The following CLHC1 variants were observed in gnomAD, a reference collection of about 807,000 sequenced individuals.
CLHC1 encodes clathrin heavy chain linker domain containing 1, also known as clathrin heavy chain linker domain-containing protein 1.
In CLHC1, 72 loss-of-function variants were observed where a neutral mutation model predicts 69.5. The ratio of observed to expected loss-of-function variants is 1.04; its 90% CI spans 0.86 to 1.26. CLHC1 has a LOEUF of 1.26. Among genes scored for constraint, CLHC1 ranks in the 50% most tolerant of loss-of-function variants. CLHC1 has a pLI of 0.00. For synonymous variants in CLHC1, 223 were observed against 224.3 expected, an observed-to-expected ratio of 0.99 and a Z score of 0.05; for missense variants, 790 against 679.3, an observed-to-expected ratio of 1.16 and a Z score of -1.81.
chr2:55,210,944 T>G (rs1201429715), intron 5 of CLHC1, among the ~76,000 whole-genome samples: 2 of 152,106 alleles, frequency 1.3e-5, no homozygotes. Flanking sequence ...TCCTCTCACT[T>G]CAGCATTCCA....
At chr2:55,226,638 T>G (rs1311121257) in intron 2 of CLHC1, among the ~76,000 whole-genome samples, 1 of 152,218 alleles carries the variant, frequency 6.6e-6, no homozygotes, top group Non-Finnish European at 1.5e-5. Flanking sequence ...TTTTCACTAT[T>G]TTTGTTTTGT....
At chr2:55,191,148 T>C (rs1450036551) in intron 9 of CLHC1, among the ~76,000 whole-genome samples, 1 of 152,164 alleles carries the variant, frequency 6.6e-6, no homozygotes, top group Non-Finnish European at 1.5e-5. Context: ...AGGTAAAATG[T>C]AGAATTTAAA....
chr2:55,231,767 C>T (rs1463431914), intron 1 of CLHC1: 2 of 152,202 alleles, frequency 1.3e-5, no homozygotes, highest in African/African-American at 4.8e-5. Context: ...CCAAGACTCC[C>T]AATGCCCAAA....
intron 9 of CLHC1, among the ~76,000 whole-genome samples, chr2:55,199,697 T>C (rs1558477685): frequency 6.6e-6 from 1 of 152,150 alleles, no homozygotes; most frequent in Non-Finnish European, 1.5e-5. Flanking sequence ...TAAGATATTA[T>C]TTGCAAGTCT....
At chr2:55,191,321 C>T (rs1348145981) in intron 9 of CLHC1, among the ~76,000 whole-genome samples, 1 of 152,138 alleles carries the variant, frequency 6.6e-6, no homozygotes, top group Non-Finnish European at 1.5e-5. Flanking sequence ...ACTGCACCTC[C>T]ACCTCCTGGA....
intron 9 of CLHC1, among the ~76,000 whole-genome samples, chr2:55,204,161 G>T (rs1046364580): frequency 7.9e-5 from 12 of 152,136 alleles, no homozygotes; most frequent in South Asian, 2.1e-4. Context: ...GTGCATGCTT[G>T]TAATCCCAGC....
chr2:55,175,828 C>T lies in CLHC1; in HGVS notation c.1723G>A (p.Asp575Asn). The change falls in exon 13 of 13, where the codon GAT becomes AAT. Residue 575 changes from aspartate to asparagine, a missense_variant. Coordinates refer to ENST00000401408, the MANE Select transcript of CLHC1 (RefSeq NM_152385.4). ...QAAVTEISEE[D>N]DAVNLMEHVF... ...TGTTCCATTAGGTTGACTGCGTCAT[C>T]CTCTTCAGAAATTTCTGTAACTGCA... 6.2e-7 allele frequency: 1 copy of T among 1,614,020 alleles called. No individual in the cohort carries two copies.
intron 9 of CLHC1, among the ~76,000 whole-genome samples, chr2:55,196,226 T>C (rs888518649): frequency 1.3e-5 from 2 of 152,200 alleles, no homozygotes; most frequent in Non-Finnish European, 2.9e-5. Context: ...TCAAGTGCTT[T>C]GGGGTCCTAA....
rs1393603230 is a variant in CLHC1 at position 55,172,849 on chromosome 2, T to C, written c.*2941A>G. The stretch of plus-strand genomic sequence containing the variant: ...ATTTAATGGTCATTTCTTAGTTAAT[T>C]CAGGATTTAGGAAAAGTTCTAAATA... On this transcript the variant is annotated 3_prime_UTR_variant, in exon 13 of 13. Coordinates refer to ENST00000401408, the MANE Select transcript of CLHC1 (RefSeq NM_152385.4). Among the ~76,000 whole-genome samples, 1 of 152,190 alleles carries C rather than the reference T, an allele frequency of 6.6e-6. No individual in the cohort carries two copies.
intron 3 of CLHC1, among the ~76,000 whole-genome samples, chr2:55,221,368 C>T (rs1674097448): frequency 6.6e-6 from 1 of 152,062 alleles, no homozygotes; most frequent in Non-Finnish European, 1.5e-5. Context: ...CCGTAAAAAG[C>T]AAAATCAAAT....
At position 55,173,960 on chromosome 2, in the gene CLHC1, GCT is replaced by G. The variant is rs1481861486; in HGVS notation, c.*1828_*1829del. ...TTCATGAAGACATTTTTTTTTCTAA[GCT>G]CTGTCAATGGACACATAATAGCTTT... On this transcript the variant is annotated 3_prime_UTR_variant, in exon 13 of 13. Transcript: ENST00000401408. Among the ~76,000 whole-genome samples, 1 of 144,154 alleles carries G rather than the reference GCT, an allele frequency of 6.9e-6. No individual in the cohort carries two copies. Among genetic ancestry groups the G allele is most frequent in the Admixed American group, 7.0e-5 (1 of 14,274 alleles). 94.6% of individuals were successfully genotyped at this position (144,154 alleles called of 152,430 possible). A position where few individuals can be genotyped will look rare whatever the true frequency, so the allele number is the denominator to read the frequency against.
intron 5 of CLHC1, 24 bp from the exon 6 acceptor site, chr2:55,209,855 A>C (rs754759121): frequency 2.6e-6 from 4 of 1,510,542 alleles, no homozygotes; most frequent in Non-Finnish European, 3.7e-6. Context: ...GAACAAATCA[A>C]ACACGACAAG....
chr2:55,205,149 C>T (rs1047848194), intron 9 of CLHC1, among the ~76,000 whole-genome samples: 29 of 152,150 alleles, frequency 1.9e-4, no homozygotes, highest in African/African-American at 5.8e-4. Context: ...AAAGGGAACG[C>T]TTTTACATTT....
At chr2:55,189,211 C>A (rs1340329754) in intron 9 of CLHC1, among the ~76,000 whole-genome samples, 1 of 151,930 alleles carries the variant, frequency 6.6e-6, no homozygotes, top group Non-Finnish European at 1.5e-5. Flanking sequence ...AGAGGGAATT[C>A]TTAAAAACTA....
chr2:55,201,025 AT>A (rs1453143686), intron 9 of CLHC1, among the ~76,000 whole-genome samples: 2 of 152,092 alleles, frequency 1.3e-5, no homozygotes, highest in Non-Finnish European at 2.9e-5. Context: ...TAGGATAACA[AT>A]GAAAGCAGTA....
chr2:55,200,990 T>A (rs556045200), intron 9 of CLHC1, among the ~76,000 whole-genome samples: 8 of 151,756 alleles, frequency 5.3e-5, no homozygotes, highest in Non-Finnish European at 1.0e-4. Flanking sequence ...CAAACAATAA[T>A]GGAAACACAA....
chr2:55,204,896 T>C (rs1352157600), intron 9 of CLHC1, among the ~76,000 whole-genome samples: 1 of 152,060 alleles, frequency 6.6e-6, no homozygotes, highest in Non-Finnish European at 1.5e-5. Flanking sequence ...ATTGAACTCA[T>C]GAACACAGTA....
At chr2:55,193,201 T>C (rs1671096785) in intron 9 of CLHC1, among the ~76,000 whole-genome samples, 1 of 152,236 alleles carries the variant, frequency 6.6e-6, no homozygotes, top group South Asian at 2.1e-4. Flanking sequence ...CAGATCTCTA[T>C]GATCTTAAGT....
At chr2:55,178,199 T>C (rs1428556675) in intron 11 of CLHC1, among the ~76,000 whole-genome samples, 2 of 152,210 alleles carry the variant, frequency 1.3e-5, no homozygotes, top group South Asian at 2.1e-4. Context: ...CTATATCTTG[T>C]TGCTCATATT....
Sources: gnomAD v4.1 joint callset for allele counts (sites outside exome capture counted in the v4.1 genomes callset) on GRCh38, gnomAD v4.1.1 for gene constraint, MANE v1.5 for transcripts, NCBI Gene and HGNC (gene_info 2026-07-23, HGNC 2026-07-21) for gene names.